Variants in FBXL17 observed in about 807,000 individuals in gnomAD.
The protein encoded by FBXL17 is F-box/LRR-repeat protein 17.
A neutral mutation model predicts 66.2 loss-of-function variants in FBXL17; 22 were observed. That is an observed-to-expected ratio of 0.33 (90% CI 0.24 to 0.47). The LOEUF is 0.47. Ranked by LOEUF, FBXL17 falls within the 20% of genes least tolerant of loss-of-function variation. The probability of loss-of-function intolerance (pLI) is 1.00; values close to 1 mark genes in which losing one functional copy is unlikely to be tolerated. For missense variants in FBXL17, 878 were observed against 948.2 expected, an observed-to-expected ratio of 0.93 and a Z score of 0.97; for synonymous variants, 474 against 400.5, an observed-to-expected ratio of 1.18 and a Z score of -2.19.
chr5:107,993,866 A>G (rs892904616), intron 7 of FBXL17, among the ~76,000 whole-genome samples: 6 of 152,122 alleles, frequency 3.9e-5, no homozygotes, highest in Non-Finnish European at 7.4e-5. Context: ...CAGCTAACCA[A>G]TTTTTGAATA....
chr5:108,190,341 G>T (rs1753420652), intron 5 of FBXL17, among the ~76,000 whole-genome samples: 1 of 152,148 alleles, frequency 6.6e-6, no homozygotes, highest in Non-Finnish European at 1.5e-5. Context: ...AGTCAGTTTT[G>T]ATGTGGCCAC....
At chr5:108,280,151 G>A (rs936820775) in intron 4 of FBXL17, among the ~76,000 whole-genome samples, 3 of 152,112 alleles carry the variant, frequency 2.0e-5, no homozygotes, top group Admixed American at 6.6e-5. Flanking sequence ...ATGCAAAAAT[G>A]ACTTTGCCAT....
At chr5:108,136,508 G>A (rs893419345) in intron 6 of FBXL17, among the ~76,000 whole-genome samples, 1 of 152,144 alleles carries the variant, frequency 6.6e-6, no homozygotes, top group African/African-American at 2.4e-5. Flanking sequence ...TTCTTGCTCA[G>A]TCAAGCAATA....
chr5:107,991,090 T>C (rs1753224489), intron 7 of FBXL17, among the ~76,000 whole-genome samples: 1 of 152,138 alleles, frequency 6.6e-6, no homozygotes, highest in South Asian at 2.1e-4. Context: ...AACAGAAAAC[T>C]GTAGGGGTAA....
intron 7 of FBXL17, among the ~76,000 whole-genome samples, chr5:107,946,811 G>A (rs1186127389): frequency 6.6e-6 from 1 of 152,096 alleles, no homozygotes; most frequent in African/African-American, 2.4e-5. Context: ...TTATATTTGT[G>A]TGGCTTGCAT....
chr5:108,297,137 A>T (rs1758380872), intron 4 of FBXL17, among the ~76,000 whole-genome samples: 1 of 151,634 alleles, frequency 6.6e-6, no homozygotes. Context: ...CCATAAATAA[A>T]CAGGGTTTAT....
intron 7 of FBXL17, among the ~76,000 whole-genome samples, chr5:107,892,460 A>G (rs1338159050): frequency 6.6e-6 from 1 of 152,174 alleles, no homozygotes; most frequent in South Asian, 2.1e-4. Context: ...TTGTGTATTT[A>G]AAATTTTTCA....
chr5:108,283,281 C>T (rs757139747), intron 4 of FBXL17, among the ~76,000 whole-genome samples: 2 of 151,674 alleles, frequency 1.3e-5, no homozygotes. Flanking sequence ...AAGAACAAAG[C>T]TCACATCACG....
chr5:108,034,111 T>C (rs1297960425), intron 6 of FBXL17, among the ~76,000 whole-genome samples: 3 of 152,180 alleles, frequency 2.0e-5, no homozygotes, highest in African/African-American at 7.2e-5. Context: ...TTCTATTTAT[T>C]TCATCACCTT....
chr5:107,960,131 C>T (rs925809379), intron 7 of FBXL17, among the ~76,000 whole-genome samples: 3 of 152,020 alleles, frequency 2.0e-5, no homozygotes, highest in African/African-American at 7.2e-5. Context: ...CTTTAGTTAC[C>T]TTGCTTTTCA....
intron 8 of FBXL17, among the ~76,000 whole-genome samples, chr5:107,875,917 C>G (rs1370455394): frequency 6.6e-6 from 1 of 152,246 alleles, no homozygotes; most frequent in Admixed American, 6.5e-5. Context: ...AGGCGGCTCT[C>G]CTCCCCAGCA....
At chr5:108,060,386 C>T (rs916182203) in intron 6 of FBXL17, among the ~76,000 whole-genome samples, 1 of 152,094 alleles carries the variant, frequency 6.6e-6, no homozygotes, top group Non-Finnish European at 1.5e-5. Context: ...TTCAGCCAAT[C>T]TGTTTATTAT....
chr5:108,089,776 G>A (rs1749119963), intron 6 of FBXL17, among the ~76,000 whole-genome samples: 1 of 152,164 alleles, frequency 6.6e-6, no homozygotes, highest in South Asian at 2.1e-4. Flanking sequence ...AGAGATATTT[G>A]TTAAAAGAAT....
chr5:108,354,165 C>A (rs1166878262), intron 3 of FBXL17, among the ~76,000 whole-genome samples: 1 of 152,046 alleles, frequency 6.6e-6, no homozygotes, highest in African/African-American at 2.4e-5. Context: ...TCGTGTCCAC[C>A]TTTCAATGAA....
intron 7 of FBXL17, among the ~76,000 whole-genome samples, chr5:107,914,476 T>G (rs951338833): frequency 2.0e-5 from 3 of 152,202 alleles, no homozygotes; most frequent in African/African-American, 7.2e-5. Flanking sequence ...CACCAAATTA[T>G]TCAATTTTCC....
chr5:108,364,694 T>G (rs1748549287), intron 3 of FBXL17, 44 bp downstream of exon 3: 2 of 1,488,534 alleles, frequency 1.3e-6, no homozygotes, highest in East Asian at 2.3e-5. Context: ...GAAAACATTT[T>G]TAATTAATTC....
At chr5:108,366,975 A>G (rs530671680) in intron 2 of FBXL17, among the ~76,000 whole-genome samples, 32 of 152,250 alleles carry the variant, frequency 2.1e-4, no homozygotes, top group African/African-American at 7.7e-4. Context: ...ATTCAATGGC[A>G]TAACGTGTAG....
chr5:107,990,568 TAAC>T (rs917375233), intron 7 of FBXL17, among the ~76,000 whole-genome samples: 2 of 152,246 alleles, frequency 1.3e-5, no homozygotes, highest in South Asian at 2.1e-4. Context: ...ATGGAAATAA[TAAC>T]AATAACAACT....
chr5:108,140,584 T>A (rs1044990001), intron 6 of FBXL17, among the ~76,000 whole-genome samples: 8 of 152,166 alleles, frequency 5.3e-5, no homozygotes, highest in African/African-American at 1.9e-4. Flanking sequence ...ACAAATGACA[T>A]TTATTGGGGT....
Sources: allele counts gnomAD v4.1 joint callset (sites outside exome capture counted in the v4.1 genomes callset), GRCh38; gene constraint gnomAD v4.1.1; transcripts MANE v1.5; gene names NCBI Gene and HGNC (gene_info 2026-07-23, HGNC 2026-07-21).